The following CNTNAP2 variants were observed in gnomAD, a reference collection of about 807,000 sequenced individuals.
CNTNAP2 encodes contactin associated protein 2, also known as contactin-associated protein-like 2.
Under a neutral mutation model 155.2 loss-of-function variants are expected in CNTNAP2, and 98 were observed. That is an observed-to-expected ratio of 0.63 (90% CI 0.54 to 0.75). The LOEUF is 0.75. CNTNAP2 is among the 30% of genes least tolerant of loss of function. The pLI is 0.00. For synonymous variants in CNTNAP2, 651 were observed against 631.2 expected (o/e 1.03, Z -0.47); for missense variants, 1,727 against 1,688.1 (o/e 1.02, Z -0.40).
intron 11 of CNTNAP2, among the ~76,000 whole-genome samples, chr7:147,550,852 A>G (rs1030065641): frequency 6.6e-6 from 1 of 152,242 alleles, no homozygotes; most frequent in African/African-American, 2.4e-5. Flanking sequence ...TATGTACTAT[A>G]TGTACATATA....
chr7:148,085,619 A>G (rs1393039479), intron 15 of CNTNAP2, among the ~76,000 whole-genome samples: 2 of 152,166 alleles, frequency 1.3e-5, no homozygotes, highest in Non-Finnish European at 2.9e-5. Context: ...CATTCATTTT[A>G]TAATTTTGAA....
At chr7:146,161,263 T>C (rs1798217332) in intron 1 of CNTNAP2, among the ~76,000 whole-genome samples, 1 of 152,152 alleles carries the variant, frequency 6.6e-6, no homozygotes, top group Non-Finnish European at 1.5e-5. Flanking sequence ...GCGCAAAAAC[T>C]TGAAGCATTC....
intron 13 of CNTNAP2, among the ~76,000 whole-genome samples, chr7:147,798,170 C>G (rs1797930873): frequency 6.6e-6 from 1 of 152,054 alleles, no homozygotes; most frequent in South Asian, 2.1e-4. Context: ...TTTCACAAGG[C>G]TTTTTGCAAG....
intron 13 of CNTNAP2, among the ~76,000 whole-genome samples, chr7:147,648,674 A>G (rs528922581): frequency 1.3e-5 from 2 of 152,268 alleles, no homozygotes; most frequent in South Asian, 4.1e-4. Flanking sequence ...CTTATTCACT[A>G]TCATGAGAGT....
intron 1 of CNTNAP2, chr7:146,311,607 C>CAAAAAAAA (rs71175646): frequency 2.3e-3 from 88 of 37,802 alleles, no homozygotes; most frequent in East Asian, 3.8e-3. Context: ...CTTGTCTTTA[C>CAAAAAAAA]AAAAAAAAAA....
chr7:147,120,732 C>T (rs1453298935), intron 5 of CNTNAP2, among the ~76,000 whole-genome samples: 2 of 150,980 alleles, frequency 1.3e-5, no homozygotes, highest in Non-Finnish European at 3.0e-5. Context: ...GCTGCACCCA[C>T]TAACTCGTCA....
intron 1 of CNTNAP2, among the ~76,000 whole-genome samples, chr7:146,450,750 A>G (rs1796467093): frequency 6.6e-6 from 1 of 152,162 alleles, no homozygotes. Flanking sequence ...ATATTGTTTT[A>G]TGATCTTATC....
At chr7:146,928,778 G>A (rs191822707) in intron 3 of CNTNAP2, among the ~76,000 whole-genome samples, 1 of 152,306 alleles carries the variant, frequency 6.6e-6, no homozygotes, top group African/African-American at 2.4e-5. Flanking sequence ...TGCACCAGGA[G>A]ATTATATCCC....
chr7:147,460,755 A>G (rs928896887), intron 10 of CNTNAP2, among the ~76,000 whole-genome samples: 3 of 152,190 alleles, frequency 2.0e-5, no homozygotes, highest in Non-Finnish European at 4.4e-5. Flanking sequence ...CTGAGTATTC[A>G]CATGTGTGGA....
At chr7:147,891,763 A>G (rs1313771286) in intron 13 of CNTNAP2, among the ~76,000 whole-genome samples, 5 of 152,168 alleles carry the variant, frequency 3.3e-5, no homozygotes, top group Non-Finnish European at 7.3e-5. Context: ...ACTAAATTAT[A>G]TGAGCCTCAG....
At chr7:146,948,072 A>G (rs1373589296) in intron 3 of CNTNAP2, among the ~76,000 whole-genome samples, 1 of 152,210 alleles carries the variant, frequency 6.6e-6, no homozygotes, top group African/African-American at 2.4e-5. Flanking sequence ...AGCAAAAGGT[A>G]CATTTGAATG....
chr7:148,325,272 G>A (rs1023089817), intron 21 of CNTNAP2, among the ~76,000 whole-genome samples: 5 of 152,176 alleles, frequency 3.3e-5, no homozygotes, highest in African/African-American at 7.2e-5. Context: ...AAGTAGTTTT[G>A]TAAGAAAAAC....
At chr7:146,935,712 A>AT (rs1348785911) in intron 3 of CNTNAP2, among the ~76,000 whole-genome samples, 2 of 152,222 alleles carry the variant, frequency 1.3e-5, no homozygotes, top group African/African-American at 4.8e-5. Flanking sequence ...AAACAGAAGT[A>AT]TCTGTGCAGC....
rs367550484 is a variant in CNTNAP2 at position 147,015,421 on chromosome 7, G to T, written c.403-28486G>T. Among the ~76,000 whole-genome samples the T allele has an allele frequency of 7.2e-5, 11 of 152,070 alleles. No individual in the cohort carries two copies. In the East Asian group the frequency reaches 1.9e-3, roughly 27 times the overall value. ...TTTTTATTCTATAGCTAACATGCTG[G>T]CATCATCCAAAAAAGTGACTTCTAT... On this transcript the variant is annotated intron_variant, in intron 3 of 23. Transcript: ENST00000361727.
intron 1 of CNTNAP2, among the ~76,000 whole-genome samples, chr7:146,720,978 C>CTATATAGTCTA (rs1801282427): frequency 8.2e-6 from 1 of 121,924 alleles, no homozygotes; most frequent in Admixed American, 8.2e-5. Flanking sequence ...TATATATAGA[C>CTATATAGTCTA]TATATATACT....
At chr7:146,592,637 G>A (rs1296968993) in intron 1 of CNTNAP2, among the ~76,000 whole-genome samples, 1 of 152,098 alleles carries the variant, frequency 6.6e-6, no homozygotes, top group Non-Finnish European at 1.5e-5. Context: ...ACCAATGTAG[G>A]AATTCAACCT....
intron 1 of CNTNAP2, among the ~76,000 whole-genome samples, chr7:146,741,208 C>G (rs183358081): frequency 6.6e-6 from 1 of 152,070 alleles, no homozygotes; most frequent in African/African-American, 2.4e-5. Context: ...TGTACTACAA[C>G]GAGGCACTGT....
intron 21 of CNTNAP2, among the ~76,000 whole-genome samples, chr7:148,375,234 A>G (rs1273779282): frequency 2.1e-5 from 3 of 141,914 alleles, no homozygotes; most frequent in South Asian, 2.3e-4. Context: ...TTATGTATAT[A>G]TGTATGTTAT....
intron 11 of CNTNAP2, among the ~76,000 whole-genome samples, chr7:147,503,089 A>C (rs1798848085): frequency 1.3e-5 from 2 of 152,248 alleles, no homozygotes; most frequent in African/African-American, 4.8e-5. Flanking sequence ...TCTCTCACAG[A>C]TTTGCAGTTT....
Sources: gnomAD v4.1 joint callset for allele counts (sites outside exome capture counted in the v4.1 genomes callset) on GRCh38, gnomAD v4.1.1 for gene constraint, MANE v1.5 for transcripts, NCBI Gene and HGNC (gene_info 2026-07-23, HGNC 2026-07-21) for gene names.